PCDH15: variants seen among roughly 807,000 people sequenced by gnomAD.
The protein encoded by PCDH15 is protocadherin related 15.
Under a neutral mutation model 178.5 loss-of-function variants are expected in PCDH15, and 129 were observed. The observed-to-expected ratio is 0.72, with a 90% CI of 0.63 to 0.84. The LOEUF (loss-of-function observed/expected upper bound fraction) is 0.84, where lower values mean the gene tolerates loss of function less well. Among genes scored for constraint, PCDH15 ranks in the 40% least tolerant of loss-of-function variants. PCDH15 has a pLI of 0.00. For missense variants in PCDH15, 2,230 were observed against 2,099.9 expected, an observed-to-expected ratio of 1.06 and a Z score of -1.21; for synonymous variants, 800 against 732.0, an observed-to-expected ratio of 1.09 and a Z score of -1.50.
In PCDH15 at chr10:53,903,261, A is replaced by G. The variant is rs772300262; in HGVS notation, c.3483T>C (p.Thr1161=). 48 of 1,613,044 alleles carry G rather than the reference A, an allele frequency of 3.0e-5. No individual in the cohort carries two copies. The highest frequency in any genetic ancestry group is 3.8e-5 in the Non-Finnish European group (45 of 1,179,454). Residue 1161 remains threonine (T), a synonymous_variant, in exon 26 of 38, where the codon ACT becomes ACC. Transcript: ENST00000644397. The part of the protein sequence containing the change: ...GGVSEDARMF[T]SVLRVKATDK... ...CGCATACCTTCACTCTGAGTACAGA[A>G]GTAAACATTCTTGCATCTTCAGATA...
At chr10:54,167,293 C>T (rs565315436) in intron 13 of PCDH15, among the ~76,000 whole-genome samples, 27 of 152,236 alleles carry the variant, frequency 1.8e-4, no homozygotes, top group South Asian at 4.1e-4. Context: ...CCTCTTCTTA[C>T]TCTCTTCTCC....
chr10:53,916,319 T>C (rs1214584162), intron 25 of PCDH15, among the ~76,000 whole-genome samples: 1 of 152,206 alleles, frequency 6.6e-6, no homozygotes, highest in East Asian at 1.9e-4. Flanking sequence ...ATTACTTAAA[T>C]TTTGGTTTTG....
intron 3 of PCDH15, among the ~76,000 whole-genome samples, chr10:54,842,124 T>C (rs1049164344): frequency 1.3e-5 from 2 of 151,746 alleles, no homozygotes; most frequent in Non-Finnish European, 2.9e-5. Flanking sequence ...TAAACGTTCA[T>C]GATAATTTCA....
At chr10:53,843,604 T>C (rs2077792753) in intron 28 of PCDH15, among the ~76,000 whole-genome samples, 1 of 152,104 alleles carries the variant, frequency 6.6e-6, no homozygotes, top group Admixed American at 6.6e-5. Context: ...ATATTGCTTA[T>C]ATTTCTTTAT....
At chr10:55,004,411 A>G (rs376451184) in intron 2 of PCDH15, among the ~76,000 whole-genome samples, 1 of 152,114 alleles carries the variant, frequency 6.6e-6, no homozygotes, top group Admixed American at 6.6e-5. Flanking sequence ...TTTACCCTCT[A>G]TGTCTCAAAA....
chr10:55,130,296 C>A (rs558753516), intron 2 of PCDH15, among the ~76,000 whole-genome samples: 1 of 152,012 alleles, frequency 6.6e-6, no homozygotes, highest in Admixed American at 6.6e-5. Flanking sequence ...GCTAGTCATG[C>A]TTGTATCTGG....
At chr10:54,326,210 T>G (rs1284816985) in intron 7 of PCDH15, among the ~76,000 whole-genome samples, 1 of 152,112 alleles carries the variant, frequency 6.6e-6, no homozygotes, top group Non-Finnish European at 1.5e-5. Flanking sequence ...CAGCTGACTT[T>G]CCACCTCCAA....
intron 3 of PCDH15, among the ~76,000 whole-genome samples, chr10:54,396,627 GTC>G (rs1951264234): frequency 6.6e-6 from 1 of 151,982 alleles, no homozygotes; most frequent in African/African-American, 2.4e-5. Flanking sequence ...TTAAAAATCA[GTC>G]TCTGTGTTAG....
chr10:54,328,191 C>G (rs1938603571), intron 7 of PCDH15, among the ~76,000 whole-genome samples: 1 of 119,632 alleles, frequency 8.4e-6, no homozygotes, highest in African/African-American at 2.8e-5. Flanking sequence ...TATACTATTT[C>G]CCCAGCTTTG....
chr10:55,435,362 T>A (rs1402912883), intron 2 of PCDH15, among the ~76,000 whole-genome samples: 13 of 152,174 alleles, frequency 8.5e-5, no homozygotes, highest in Admixed American at 5.2e-4. Flanking sequence ...TATTTTTACC[T>A]CGCATTTTTG....
chr10:55,336,698 C>T (rs7914020), intron 2 of PCDH15, among the ~76,000 whole-genome samples: 86 of 152,182 alleles, frequency 5.7e-4, no homozygotes, highest in African/African-American at 1.6e-3. Context: ...TTCACCCCCT[C>T]ATCCCCATTT....
At chr10:53,936,799 T>C (rs1201605840) in intron 25 of PCDH15, among the ~76,000 whole-genome samples, 1 of 152,126 alleles carries the variant, frequency 6.6e-6, no homozygotes, top group Non-Finnish European at 1.5e-5. Context: ...ATTATCCTTA[T>C]TCAAATGATA....
chr10:54,172,930 G>A (rs986632972), intron 13 of PCDH15, among the ~76,000 whole-genome samples: 8 of 152,144 alleles, frequency 5.3e-5, no homozygotes, highest in Non-Finnish European at 1.0e-4. Flanking sequence ...TTACAAATGA[G>A]TTTTCTTTAA....
At chr10:55,173,463 C>G (rs1034533448) in intron 1 of PCDH15, among the ~76,000 whole-genome samples, 2 of 151,812 alleles carry the variant, frequency 1.3e-5, no homozygotes, top group Non-Finnish European at 2.9e-5. Flanking sequence ...TTTCCCTAAT[C>G]TCATAGAAAA....
intron 5 of PCDH15, among the ~76,000 whole-genome samples, chr10:54,360,055 A>G (rs1004776290): frequency 1.3e-5 from 2 of 152,150 alleles, no homozygotes; most frequent in South Asian, 4.1e-4. Context: ...GAATAAACCT[A>G]GAAACTGATG....
At chr10:54,576,587 A>T (rs1462181826) in intron 2 of PCDH15, among the ~76,000 whole-genome samples, 2 of 152,178 alleles carry the variant, frequency 1.3e-5, no homozygotes, top group Non-Finnish European at 2.9e-5. Context: ...GTGATAAAGG[A>T]TCTCTGGGTT....
rs528433825 is a variant in PCDH15, at chr10:55,424,236, G to A, written c.-156+203389C>T. 1.4e-4 allele frequency among the ~76,000 whole-genome samples: 21 copies of A among 152,214 alleles called. No individual in the cohort carries two copies. In the South Asian group the frequency reaches 4.4e-3, roughly 32 times the overall value. ...GATCTACATCCCATAATTGCTATTG[G>A]TGTGGTTGGGATAGAACTAATTATT... On this transcript the variant is annotated intron_variant, in intron 2 of 5. Transcript: ENST00000613346.
chr10:54,423,816 G>T (rs867795590), intron 3 of PCDH15, among the ~76,000 whole-genome samples: 22 of 152,002 alleles, frequency 1.4e-4, no homozygotes, highest in Admixed American at 6.5e-4. Context: ...GCCGTATGTA[G>T]AAAGCTGAAA....
chr10:55,443,583 G>T (rs1839245704), intron 2 of PCDH15, among the ~76,000 whole-genome samples: 1 of 152,140 alleles, frequency 6.6e-6, no homozygotes, highest in African/African-American at 2.4e-5. Context: ...ACCACAGCAA[G>T]ATACCATCTT....
Sources: allele counts gnomAD v4.1 joint callset (sites outside exome capture counted in the v4.1 genomes callset), GRCh38; gene constraint gnomAD v4.1.1; transcripts MANE v1.5; gene names NCBI Gene and HGNC (gene_info 2026-07-23, HGNC 2026-07-21).